FAM90A1: variants seen among roughly 807,000 people sequenced by gnomAD.
The protein encoded by FAM90A1 is protein FAM90A1.
A neutral mutation model predicts 14.8 loss-of-function variants in FAM90A1; 10 were observed. That is an observed-to-expected ratio of 0.67 (90% CI 0.42 to 1.14). The LOEUF is 1.14. FAM90A1 is among the 50% of genes most tolerant of loss of function. FAM90A1 has a pLI of 0.00. For synonymous variants in FAM90A1, 236 were observed against 248.4 expected (o/e 0.95, Z 0.47); for missense variants, 567 against 602.8 (o/e 0.94, Z 0.62).
Position 8,223,514 on chromosome 12 carries a change from T to C in FAM90A1, c.367A>G (p.Arg123Gly), listed in dbSNP as rs9738115. The C allele has an allele frequency of 0.83, 1,321,282 of 1,598,640 alleles. 553,630 individuals are homozygous for C. The highest frequency in any genetic ancestry group is 0.99 in the East Asian group (44,260 of 44,836). ...GGCAGCGGCTTCTCTGGAGGTTTCC[T>C]GGAAAATATGTGGAGGAGAGCCTTC... ...QRKALLHIFS[R>G]KPPEKPLPNQ... Residue 123 changes from arginine to glycine, a missense_variant, in exon 6 of 7, where the codon AGG (arginine) becomes GGG (glycine). Coordinates refer to ENST00000538603, the MANE Select transcript of FAM90A1 (RefSeq NM_018088.3).
chr12:8,222,635 G>A lies in FAM90A1; in HGVS notation c.582C>T (p.Ser194=), dbSNP rs143134039. 2.9e-3 allele frequency: 4,703 copies of A among 1,611,394 alleles called. 8 individuals are homozygous for A. Among genetic ancestry groups the A allele is most frequent in the Non-Finnish European group, 3.7e-3 (4,335 of 1,179,454 alleles). Residue 194 remains serine (S), a synonymous_variant, in exon 7 of 7, where the codon TCC becomes TCT. Transcript: ENST00000538603. ...SPLRKASLSS[S]SSLGPKERQT... ...GTCTTTCCTTTGGTCCAAGACTTGA[G>A]GAGGAGCTCAGACTGGCTTTTCTGA...
In FAM90A1 at chr12:8,221,517, C is replaced by T; in HGVS notation, c.*305G>A. 2.1e-6 allele frequency: 1 copy of T among 482,514 alleles called. No homozygotes were observed. Among genetic ancestry groups the T allele is most frequent in the Non-Finnish European group, 3.8e-6 (1 of 266,242 alleles). 29.9% of individuals were successfully genotyped at this position (482,514 alleles called of 1,614,324 possible). ...ATTCCCCCGTTTCCTATTGACGTCC[C>T]AGCGGAAGTCTGACTCCTGCGCGTC... On this transcript the variant is annotated 3_prime_UTR_variant, in exon 7 of 7. Coordinates refer to ENST00000538603, the MANE Select transcript of FAM90A1 (RefSeq NM_018088.3).
intron 1 of FAM90A1, among the ~76,000 whole-genome samples, chr12:8,226,771 C>CT (rs71042350): frequency 0.11 from 13,997 of 122,506 alleles, 985 homozygotes; most frequent in African/African-American, 0.23. Flanking sequence ...TTCCAAGCAT[C>CT]TTTTTTTTTT....
rs1448348307 is a variant in FAM90A1 at position 8,221,587 on chromosome 12, T to C, written c.*235A>G. On this transcript the variant is annotated 3_prime_UTR_variant, in exon 7 of 7. Transcript: ENST00000538603. Reference sequence around the variant, plus strand: ...GAATCACTGGCACGGAAGCTTTTCCTGGCGCGTTTCCAGAGAACCATGCGA... The same window carrying C: ...GAATCACTGGCACGGAAGCTTTTCCCGGCGCGTTTCCAGAGAACCATGCGA... The C allele has an allele frequency of 3.4e-6, 2 of 590,608 alleles. No individual in the cohort carries two copies. Among genetic ancestry groups the C allele is most frequent in the Non-Finnish European group, 5.9e-6 (2 of 336,402 alleles). 36.6% of individuals were successfully genotyped at this position (590,608 alleles called of 1,614,324 possible). A position where few individuals can be genotyped will look rare whatever the true frequency, so the allele number is the denominator to read the frequency against.
chr12:8,222,195 C>T lies in FAM90A1; in HGVS notation c.1022G>A (p.Gly341Glu). The T allele has an allele frequency of 6.2e-7, 1 of 1,612,026 alleles. No homozygotes were observed. The highest frequency in any genetic ancestry group is 2.2e-5 in the East Asian group (1 of 44,868). The change falls in exon 7 of 7, where the codon GGA (glycine) becomes GAA (glutamate). Residue 341 changes from glycine (G) to glutamate (E), a missense_variant. Gly to Glu is a moderately conservative substitution (Grantham distance 98, BLOSUM62 -2). Transcript: ENST00000538603. Reference sequence around the variant, plus strand: ...GCCTGTCTGGGGTGACGTACGTGGTCCAAGTTCGGTTGCGGCTGGCGGAGG... The same window carrying T: ...GCCTGTCTGGGGTGACGTACGTGGTTCAAGTTCGGTTGCGGCTGGCGGAGG... ...LQPPPAATEL[G>E]PRTSPQTGTR... is the part of the protein sequence containing the mutation.
In FAM90A1 at chr12:8,224,181, G is replaced by T; in HGVS notation, c.158C>A (p.Thr53Lys). The T allele has an allele frequency of 6.2e-7, 1 of 1,612,016 alleles. No individual in the cohort carries two copies. The highest frequency in any genetic ancestry group is 1.1e-5 in the South Asian group (1 of 90,988). ...CATGGGGCACCTGGTACTTCTGGCCGTGTGGCCAAAGGCCTCACAGTTTTT... is the reference window on the plus strand; with the variant it reads ...CATGGGGCACCTGGTACTTCTGGCCTTGTGGCCAAAGGCCTCACAGTTTTT... ...KCKNCEAFGH[T>K]ARSTRCPMKC... The change falls in exon 5 of 7, where the codon ACG becomes AAG. Residue 53 changes from threonine (T) to lysine (K), a missense_variant. Transcript: ENST00000538603.
In FAM90A1 at chr12:8,224,154, T is replaced by C; in HGVS notation, c.185A>G (p.Lys62Arg). Reference sequence around the variant, plus strand: ...TGGAACCAGGGCTGCCTTCCAGCACTTCATGGGGCACCTGGTACTTCTGGC... The same window carrying C: ...TGGAACCAGGGCTGCCTTCCAGCACCTCATGGGGCACCTGGTACTTCTGGC... Reference protein sequence around the residue: ...HTARSTRCPMKCWKAALVPPN... With the variant: ...HTARSTRCPMRCWKAALVPPN... The change falls in exon 5 of 7, where the codon AAG becomes AGG. Residue 62 changes from lysine (K) to arginine (R), a missense_variant. Physicochemically the swap from Lys to Arg is conservative, Grantham distance 26 (BLOSUM62 2). Coordinates refer to ENST00000538603, the MANE Select transcript of FAM90A1 (RefSeq NM_018088.3). 1 of 1,612,076 alleles carries C rather than the reference T, an allele frequency of 6.2e-7. No homozygotes were observed. Among genetic ancestry groups the C allele is most frequent in the Non-Finnish European group, 8.5e-7 (1 of 1,179,872 alleles).
intron 4 of FAM90A1, among the ~76,000 whole-genome samples, chr12:8,224,442 C>A (rs1315659221): frequency 7.4e-6 from 1 of 134,868 alleles, no homozygotes; most frequent in Non-Finnish European, 1.8e-5. Flanking sequence ...CTAAGGGGCA[C>A]GATGGTGAAC....
chr12:8,226,010 C>A lies in FAM90A1; in HGVS notation c.-213-18G>T, dbSNP rs1948935286. 1.3e-5 allele frequency: 2 copies of A among 152,174 alleles called. No individual in the cohort carries two copies. The highest frequency in any genetic ancestry group is 2.9e-5 in the Non-Finnish European group (2 of 68,044). 9.4% of individuals were successfully genotyped at this position (152,174 alleles called of 1,614,324 possible). A position where few individuals can be genotyped will look rare whatever the true frequency, so the allele number is the denominator to read the frequency against. ...CTGGTCACCTGACGTGGAACGTACC[C>A]TAACCTAATCAGTTACATGTAGGTT... On this transcript the variant is annotated intron_variant, in intron 2 of 6. Coordinates refer to ENST00000538603, the MANE Select transcript of FAM90A1 (RefSeq NM_018088.3).
intron 2 of FAM90A1, 109 bp downstream of exon 2, chr12:8,226,163 G>T (rs1858981736): frequency 6.6e-6 from 1 of 152,280 alleles, no homozygotes; most frequent in African/African-American, 2.4e-5. Flanking sequence ...TTGAAGAATA[G>T]ATGTTCCCCG....
chr12:8,226,735 AC>A (rs144536571), intron 1 of FAM90A1, among the ~76,000 whole-genome samples: 1,819 of 148,984 alleles, frequency 0.012, 48 homozygotes, highest in African/African-American at 0.042. Context: ...ATCTGTACAT[AC>A]CAAGCTTTCT....
chr12:8,222,556 C>G lies in FAM90A1; in HGVS notation c.661G>C (p.Glu221Gln), dbSNP rs200554143. 50 of 1,612,028 alleles carry G rather than the reference C, an allele frequency of 3.1e-5. 1 individual carries two copies. The African/African-American group carries it at 5.9e-4, about 19-fold the overall frequency. Residue 221 changes from glutamate to glutamine, a missense_variant, in exon 7 of 7, where the codon GAG (glutamate) becomes CAG (glutamine). Transcript: ENST00000538603. The stretch of plus-strand genomic sequence containing the variant: ...GTCGGCTTCACCACGAGGAGAGGCT[C>G]GGGGCCCTGGTGCCTGACTGCAGTC... Reference protein sequence around the residue: ...PQTAVRHQGPEPLLVVKPTHS... With the variant: ...PQTAVRHQGPQPLLVVKPTHS...
chr12:8,227,190 G>C (rs1229792467), intron 1 of FAM90A1, among the ~76,000 whole-genome samples: 1 of 152,224 alleles, frequency 6.6e-6, no homozygotes, highest in African/African-American at 2.4e-5. Context: ...GCCCTTTCAA[G>C]ATGACTCAGT....
chr12:8,222,912 G>T, intron 6 of FAM90A1, 128 bp from the exon 7 acceptor site: 1 of 1,014,646 alleles, frequency 9.9e-7, no homozygotes, highest in South Asian at 1.5e-5. Context: ...GCGGTCCTTG[G>T]AAGTAGGGAC....
rs1484168782 is a variant in FAM90A1 at position 8,222,366 on chromosome 12, A to AGAT, written c.848_850dup (p.Asn283_Leu284insHis). ...TCTCTTGGCTCCTGGCCCGAAGCTG[A>AGAT]GATTGGAGCCTAGGCCCAAGCTGTG... On this transcript the variant is annotated inframe_insertion, in exon 7 of 7. Transcript: ENST00000538603. 1.9e-6 allele frequency: 3 copies of AGAT among 1,611,634 alleles called. No individual in the cohort carries two copies. Among genetic ancestry groups the AGAT allele is most frequent in the Non-Finnish European group, 8.5e-7 (1 of 1,179,864 alleles).
At chr12:8,225,377 TAGAG>T (rs1419664992) in intron 3 of FAM90A1, among the ~76,000 whole-genome samples, 1 of 152,246 alleles carries the variant, frequency 6.6e-6, no homozygotes, top group Non-Finnish European at 1.5e-5. Flanking sequence ...CACAAATTCA[TAGAG>T]AGAAGTTATC....
At chr12:8,227,444 A>T (rs1011201324) in intron 1 of FAM90A1, 36 bp downstream of exon 1, 24 of 519,438 alleles carry the variant, frequency 4.6e-5, no homozygotes, top group African/African-American at 4.5e-4. Context: ...GGCTGGGTCC[A>T]CCCAGTGGGC....
At chr12:8,226,706 G>T (rs1185757440) in intron 1 of FAM90A1, among the ~76,000 whole-genome samples, 1 of 152,006 alleles carries the variant, frequency 6.6e-6, no homozygotes, top group East Asian at 1.9e-4. Flanking sequence ...TCACAGCAGG[G>T]CAGGGAGCCC....
intron 1 of FAM90A1, among the ~76,000 whole-genome samples, chr12:8,226,919 C>T (rs1167871175): frequency 6.6e-6 from 1 of 150,390 alleles, no homozygotes; most frequent in Non-Finnish European, 1.5e-5. Context: ...AATTCTCATG[C>T]CTCAGCCTCC....
Sources: allele counts gnomAD v4.1 joint callset (sites outside exome capture counted in the v4.1 genomes callset), GRCh38; gene constraint gnomAD v4.1.1; transcripts MANE v1.5; gene names NCBI Gene and HGNC (gene_info 2026-07-23, HGNC 2026-07-21).